The following GOLT1A variants were observed in gnomAD, a reference collection of about 807,000 sequenced individuals.
GOLT1A encodes golgi transport 1A, also known as vesicle transport protein GOT1A.
Under a neutral mutation model 16.1 loss-of-function variants are expected in GOLT1A, and 10 were observed. The ratio of observed to expected loss-of-function variants is 0.62; its 90% CI spans 0.38 to 1.05. The LOEUF (loss-of-function observed/expected upper bound fraction) is 1.05. Among genes scored for constraint, GOLT1A ranks in the 50% least tolerant of loss-of-function variants. The pLI, the probability that GOLT1A is intolerant of heterozygous loss-of-function variation, is 0.01. For synonymous variants in GOLT1A, 60 were observed against 67.9 expected (o/e 0.88, Z 0.57); for missense variants, 137 against 165.7 (o/e 0.83, Z 0.95).
In GOLT1A at chr1:204,200,909, C is replaced by T. The variant is rs140911322; in HGVS notation, c.296+724G>A. Among the ~76,000 whole-genome samples the T allele has an allele frequency of 8.3e-4, 127 of 152,310 alleles. 2 individuals are homozygous for T. Among genetic ancestry groups the T allele is most frequent in the Admixed American group, 9.1e-4 (14 of 15,310 alleles). On this transcript the variant is annotated intron_variant, in intron 3 of 4. Coordinates refer to ENST00000308302, the MANE Select transcript of GOLT1A (RefSeq NM_198447.2). ...TAGACATATGAAGTCTTCCTTCCCA[C>T]CCCCACTTTCTCTGAGACTCCTTCC...
intron 1 of GOLT1A, among the ~76,000 whole-genome samples, chr1:204,209,818 G>A (rs141969079): frequency 2.6e-5 from 4 of 152,298 alleles, no homozygotes; most frequent in South Asian, 2.1e-4. Context: ...ACTTTGGGAC[G>A]CCGAGGTGGG....
At position 204,199,248 on chromosome 1, in the gene GOLT1A, G is replaced by A. The variant is rs1658913637; in HGVS notation, c.307C>T (p.Pro103Ser). The A allele has an allele frequency of 1.2e-6, 2 of 1,603,734 alleles. No individual in the cohort carries two copies. The highest frequency in any genetic ancestry group is 1.7e-6 in the Non-Finnish European group (2 of 1,176,126). The change falls in exon 4 of 5, where the codon CCT becomes TCT. Residue 103 changes from proline (P) to serine (S), a missense_variant. Physicochemically the swap from Pro to Ser is moderately conservative, Grantham distance 74. Coordinates refer to ENST00000308302, the MANE Select transcript of GOLT1A (RefSeq NM_198447.2). ...GFFSLFKGFF[P>S]VAFGFLGNVC... Reference sequence around the variant, plus strand: ...TTGCCCAGGAAGCCGAAGGCGACAGGGAAAAAGCCCCTAGGAGCAGAGGGG... The same window carrying A: ...TTGCCCAGGAAGCCGAAGGCGACAGAGAAAAAGCCCCTAGGAGCAGAGGGG...
intron 2 of GOLT1A, 91 bp downstream of exon 2, chr1:204,202,805 C>T (rs1219290430): frequency 1.1e-6 from 1 of 902,046 alleles, no homozygotes; most frequent in Non-Finnish European, 1.8e-6. Flanking sequence ...CTTAAATAAA[C>T]TGTAAGTCTT....
chr1:204,209,916 G>A (rs967072091), intron 1 of GOLT1A, among the ~76,000 whole-genome samples: 13 of 152,112 alleles, frequency 8.5e-5, no homozygotes, highest in Admixed American at 2.0e-4. Flanking sequence ...AAAATTAGCC[G>A]GTGAGGTGGC....
At chr1:204,200,320 T>TATATATATATATATATATATATATAG in intron 3 of GOLT1A, among the ~76,000 whole-genome samples, 1 of 116,514 alleles carries the variant, frequency 8.6e-6, no homozygotes, top group Non-Finnish European at 1.6e-5. Context: ...TATATATATA[T>TATATATATATATATATATATATATAG]GTTTTTGTTT....
At chr1:204,198,560 T>C in intron 4 of GOLT1A, 64 bp from the exon 5 acceptor site, 1 of 1,493,302 alleles carries the variant, frequency 6.7e-7, no homozygotes, top group Non-Finnish European at 9.3e-7. Context: ...ATCTAGTTAT[T>C]ACAGAGCTGG....
chr1:204,211,769 G>A (rs1366011277), intron 1 of GOLT1A, among the ~76,000 whole-genome samples: 1 of 152,098 alleles, frequency 6.6e-6, no homozygotes, highest in Non-Finnish European at 1.5e-5. Context: ...ATGGAAATTT[G>A]TTTCCCAGGG....
rs764653078 is a variant in GOLT1A at position 204,199,249 on chromosome 1, GA to G, written c.305del (p.Phe102SerfsTer36). ...YGFFSLFKGF[F>X]PVAFGFLGNV... The stretch of plus-strand genomic sequence containing the variant: ...TGCCCAGGAAGCCGAAGGCGACAGG[GA>G]AAAAGCCCCTAGGAGCAGAGGGGAG... On this transcript the variant is annotated frameshift_variant, in exon 4 of 5. Transcript: ENST00000308302. LOFTEE classifies it high-confidence loss of function. 4 of 1,603,732 alleles carry G rather than the reference GA, an allele frequency of 2.5e-6. No individual in the cohort carries two copies. The highest frequency in any genetic ancestry group is 2.6e-6 in the Non-Finnish European group (3 of 1,176,040).
At chr1:204,213,637 G>A (rs12098036) in intron 1 of GOLT1A, among the ~76,000 whole-genome samples, 49,464 of 152,124 alleles carry the variant, frequency 0.33, 8,249 homozygotes, top group South Asian at 0.38. Flanking sequence ...TGTGAATGGG[G>A]AACCTGCCAG....
intron 1 of GOLT1A, among the ~76,000 whole-genome samples, chr1:204,207,858 C>T (rs1659069114): frequency 6.6e-6 from 1 of 152,078 alleles, no homozygotes; most frequent in Non-Finnish European, 1.5e-5. Flanking sequence ...CATGAATAGA[C>T]AATTCTCAAA....
chr1:204,210,255 A>G (rs75006730), intron 1 of GOLT1A, among the ~76,000 whole-genome samples: 1,582 of 152,222 alleles, frequency 0.01, 19 homozygotes, highest in African/African-American at 0.035. Context: ...GTTTGTGCAC[A>G]ACACGTTCTT....
intron 4 of GOLT1A, 152 bp from the exon 5 acceptor site, chr1:204,198,648 G>T: frequency 1.5e-6 from 1 of 684,672 alleles, no homozygotes; most frequent in Non-Finnish European, 2.5e-6. Context: ...GGTTGTGGTG[G>T]GGTGCTGGCT....
chr1:204,202,776 T>C, intron 2 of GOLT1A, 120 bp downstream of exon 2: 1 of 748,432 alleles, frequency 1.3e-6, no homozygotes, highest in East Asian at 2.5e-5. Context: ...GGGATTTACT[T>C]AAGGGATTTA....
At chr1:204,205,372 G>A (rs748515085) in intron 1 of GOLT1A, among the ~76,000 whole-genome samples, 24 of 152,136 alleles carry the variant, frequency 1.6e-4, no homozygotes, top group Non-Finnish European at 2.1e-4. Flanking sequence ...TGCATCTTTT[G>A]CATGTGGATA....
At chr1:204,206,694 A>G (rs1200929080) in intron 1 of GOLT1A, among the ~76,000 whole-genome samples, 2 of 152,260 alleles carry the variant, frequency 1.3e-5, no homozygotes, top group Non-Finnish European at 2.9e-5. Flanking sequence ...GTGTGGAAAC[A>G]CGATGTGCAC....
At chr1:204,208,418 A>G (rs1294235331) in intron 1 of GOLT1A, among the ~76,000 whole-genome samples, 3 of 49,502 alleles carry the variant, frequency 6.1e-5, no homozygotes, top group Non-Finnish European at 2.2e-4. Context: ...ATATATGTAT[A>G]CATATGTGTA....
At chr1:204,207,186 T>C (rs1292083582) in intron 1 of GOLT1A, among the ~76,000 whole-genome samples, 2 of 152,212 alleles carry the variant, frequency 1.3e-5, no homozygotes, top group Admixed American at 6.5e-5. Flanking sequence ...GGGGATGTCA[T>C]ACAGATGCCC....
At chr1:204,213,325 A>T (rs1201782955) in intron 1 of GOLT1A, among the ~76,000 whole-genome samples, 1 of 152,202 alleles carries the variant, frequency 6.6e-6, no homozygotes, top group Admixed American at 6.5e-5. Flanking sequence ...ATGAAAAACC[A>T]AGGCTCAGAG....
Position 204,213,799 on chromosome 1 carries a change from CAG to C in GOLT1A, c.25+81_25+82del, listed in dbSNP as rs1407118950. ...GCTCCAGAGGTCACGCTTGTAGTGA[CAG>C]AGAGCCCAGCTGGGAGAGAGAGCCA... On this transcript the variant is annotated intron_variant, in intron 1 of 4. Coordinates refer to ENST00000308302, the MANE Select transcript of GOLT1A (RefSeq NM_198447.2). 6.5e-5 allele frequency: 97 copies of C among 1,497,870 alleles called. 1 individual carries two copies. In the East Asian group the frequency reaches 2.2e-3, roughly 34 times the overall value. The allele number at this position is 1,497,870 out of a possible 1,614,324, so 92.8% of individuals were successfully genotyped here. A position where few individuals can be genotyped will look rare whatever the true frequency, so the allele number is the denominator to read the frequency against.
Sources: gnomAD v4.1 joint callset for allele counts (sites outside exome capture counted in the v4.1 genomes callset) on GRCh38, gnomAD v4.1.1 for gene constraint, MANE v1.5 for transcripts, NCBI Gene and HGNC (gene_info 2026-07-23, HGNC 2026-07-21) for gene names.